Variants in LINGO2 observed in about 807,000 individuals in gnomAD.
The protein encoded by LINGO2 is leucine-rich repeat and immunoglobulin-like domain-containing nogo receptor-interacting protein 2.
LINGO2 carries 14 observed loss-of-function variants against 30.6 expected under a neutral mutation model. The ratio of observed to expected loss-of-function variants is 0.46; its 90% CI spans 0.30 to 0.72. The LOEUF (loss-of-function observed/expected upper bound fraction) is 0.72, where lower values mean the gene tolerates loss of function less well. LINGO2 is among the 30% of genes least tolerant of loss of function. The pLI, the probability that LINGO2 is intolerant of heterozygous loss-of-function variation, is 0.07. For missense variants in LINGO2, 729 were observed against 751.7 expected (o/e 0.97, Z 0.35); for synonymous variants, 317 against 288.5 (o/e 1.10, Z -1.00).
At chr9:28,411,764 T>A (rs977912580) in intron 2 of LINGO2, among the ~76,000 whole-genome samples, 9 of 152,232 alleles carry the variant, frequency 5.9e-5, no homozygotes, top group African/African-American at 2.2e-4. Context: ...TTGCTTCTCA[T>A]TATTTTGTGG....
At position 28,472,320 on chromosome 9, in the gene LINGO2, G is replaced by GT. The variant is rs199544882; in HGVS notation, c.-279+3619dup. 6.6e-3 allele frequency among the ~76,000 whole-genome samples: 955 copies of GT among 145,490 alleles called. 6 individuals are homozygous for GT. The highest frequency in any genetic ancestry group is 0.018 in the African/African-American group (737 of 40,004). On this transcript the variant is annotated intron_variant, in intron 2 of 5. Transcript: ENST00000379992. Reference sequence around the variant, plus strand: ...TATTCCACTAGTGCATTGACTTCAAGTTTTTTTTTTTTTAATATGTAGGTT... The same window carrying GT: ...TATTCCACTAGTGCATTGACTTCAAGTTTTTTTTTTTTTTAATATGTAGGTT...
chr9:29,150,058 A>G, the LINGO2 span, among the ~76,000 whole-genome samples: 5 of 152,166 alleles, frequency 3.3e-5, no homozygotes, highest in Admixed American at 1.3e-4. Flanking sequence ...GCTGCCATGA[A>G]CATTCTGAAA....
chr9:28,721,474 C>A, the LINGO2 span, among the ~76,000 whole-genome samples: 2 of 152,116 alleles, frequency 1.3e-5, no homozygotes, highest in Non-Finnish European at 2.9e-5. Flanking sequence ...GAATACTATG[C>A]AGCCATAAAA....
chr9:28,125,403 G>A (rs538004322), intron 4 of LINGO2, among the ~76,000 whole-genome samples: 2 of 152,216 alleles, frequency 1.3e-5, no homozygotes, highest in South Asian at 4.2e-4. Context: ...AAACAAAACT[G>A]CTTATATGCA....
At chr9:28,988,962 G>T in the LINGO2 span, among the ~76,000 whole-genome samples, 1 of 152,142 alleles carries the variant, frequency 6.6e-6, no homozygotes, top group Non-Finnish European at 1.5e-5. Flanking sequence ...CTGTTGCAGG[G>T]AAGTGTAACC....
intron 3 of LINGO2, among the ~76,000 whole-genome samples, chr9:28,323,328 G>A (rs755765660): frequency 3.3e-5 from 5 of 152,100 alleles, no homozygotes; most frequent in Non-Finnish European, 5.9e-5. Flanking sequence ...ACCTGGGTGC[G>A]GTGGCTCACG....
the LINGO2 span, among the ~76,000 whole-genome samples, chr9:29,173,775 A>G: frequency 1.3e-5 from 2 of 152,138 alleles, no homozygotes; most frequent in African/African-American, 4.8e-5. Context: ...GGGCCTATAC[A>G]TATTTGTGAA....
intron 2 of LINGO2, among the ~76,000 whole-genome samples, chr9:28,449,761 C>T (rs1052162603): frequency 5.3e-5 from 8 of 152,062 alleles, no homozygotes; most frequent in African/African-American, 1.7e-4. Flanking sequence ...CTAGTCCCCA[C>T]CTATTGGTTC....
intron 4 of LINGO2, among the ~76,000 whole-genome samples, chr9:28,268,429 A>C (rs765125111): frequency 6.6e-6 from 1 of 152,090 alleles, no homozygotes; most frequent in Non-Finnish European, 1.5e-5. Flanking sequence ...ACAACAAAGA[A>C]GATAAAACAC....
chr9:29,143,069 T>G, the LINGO2 span, among the ~76,000 whole-genome samples: 1 of 151,952 alleles, frequency 6.6e-6, no homozygotes, highest in Admixed American at 6.6e-5. Flanking sequence ...GTAAAATATT[T>G]AGGAATAAAC....
the LINGO2 span, among the ~76,000 whole-genome samples, chr9:29,167,079 AT>A: frequency 1.3e-5 from 2 of 152,120 alleles, no homozygotes; most frequent in Non-Finnish European, 2.9e-5. Context: ...ATTGTAAACA[AT>A]AATTATTTAT....
At chr9:28,903,855 C>T in the LINGO2 span, among the ~76,000 whole-genome samples, 1 of 152,010 alleles carries the variant, frequency 6.6e-6, no homozygotes, top group African/African-American at 2.4e-5. Flanking sequence ...GGGAATACTT[C>T]AAAATTCATC....
At chr9:28,418,967 A>G (rs1381528563) in intron 2 of LINGO2, among the ~76,000 whole-genome samples, 4 of 152,176 alleles carry the variant, frequency 2.6e-5, no homozygotes, top group Non-Finnish European at 5.9e-5. Flanking sequence ...CCTTTGATCT[A>G]TAACATGATC....
intron 4 of LINGO2, among the ~76,000 whole-genome samples, chr9:28,100,450 T>G (rs912637659): frequency 5.9e-5 from 9 of 152,142 alleles, no homozygotes; most frequent in Non-Finnish European, 1.5e-5. Flanking sequence ...ACATGGAGAT[T>G]TGAACAATGT....
At chr9:28,461,139 C>T (rs966222821) in intron 2 of LINGO2, among the ~76,000 whole-genome samples, 2 of 151,976 alleles carry the variant, frequency 1.3e-5, no homozygotes, top group African/African-American at 4.8e-5. Context: ...TTTATAACAA[C>T]ATAAAATGAT....
chr9:29,185,113 T>C, the LINGO2 span, among the ~76,000 whole-genome samples: 1 of 152,046 alleles, frequency 6.6e-6, no homozygotes, highest in Non-Finnish European at 1.5e-5. Context: ...TACAGACTGG[T>C]AAGGGCCTGC....
the LINGO2 span, among the ~76,000 whole-genome samples, chr9:29,064,046 G>A: frequency 6.6e-6 from 1 of 152,140 alleles, no homozygotes; most frequent in Admixed American, 6.5e-5. Context: ...GTGAAAGTTA[G>A]CCAATTTTTA....
the LINGO2 span, among the ~76,000 whole-genome samples, chr9:28,950,579 C>T: frequency 6.6e-6 from 1 of 152,008 alleles, no homozygotes; most frequent in Non-Finnish European, 1.5e-5. Flanking sequence ...GCAAAAATCA[C>T]AAGCATTCCT....
Position 28,329,598 on chromosome 9 carries a change from A to G in LINGO2, c.-245-34232T>C, listed in dbSNP as rs891870445. ...CCAGGATATCCAAGCATACACAAAA[A>G]TTCTTTATATAATTGCACTTGCTAT... On this transcript the variant is annotated intron_variant, in intron 3 of 5. Coordinates refer to ENST00000379992, the Ensembl canonical transcript of LINGO2. The surrounding 1 kb of genome is among the most constrained non-coding windows in gnomAD (Gnocchi z 4.5). Among the ~76,000 whole-genome samples the G allele has an allele frequency of 6.6e-6, 1 of 152,100 alleles. No homozygotes were observed. Among genetic ancestry groups the G allele is most frequent in the African/African-American group, 2.4e-5 (1 of 41,422 alleles).
Sources: allele counts gnomAD v4.1 joint callset (sites outside exome capture counted in the v4.1 genomes callset), GRCh38; gene constraint gnomAD v4.1.1; non-coding constraint Gnocchi (gnomAD v3.1); transcripts MANE v1.5; gene names NCBI Gene and HGNC (gene_info 2026-07-23, HGNC 2026-07-21).